The following DNHD1 variants were observed in gnomAD, a reference collection of about 807,000 sequenced individuals.
DNHD1 encodes the protein dynein heavy chain domain 1, also known as dynein heavy chain domain-containing protein 1.
Under a neutral mutation model 458.1 loss-of-function variants are expected in DNHD1, and 383 were observed. The ratio of observed to expected loss-of-function variants is 0.84; its 90% CI spans 0.77 to 0.91. The LOEUF is 0.91. Ranked by LOEUF, DNHD1 falls within the 40% of genes least tolerant of loss-of-function variation. The pLI, the probability that DNHD1 is intolerant of heterozygous loss-of-function variation, is 0.00. For missense variants in DNHD1, 5,336 were observed against 5,866.1 expected, an observed-to-expected ratio of 0.91 and a Z score of 2.95; for synonymous variants, 2,203 against 2,376.9, an observed-to-expected ratio of 0.93 and a Z score of 2.13.
chr11:6,508,811 C>G, intron 4 of DNHD1, 69 bp from the exon 5 acceptor site: 1 of 1,478,396 alleles, frequency 6.8e-7, no homozygotes, highest in Non-Finnish European at 9.3e-7. Flanking sequence ...TCTCCTGTAT[C>G]CTCCTTTGGT....
At chr11:6,568,356 G>A (rs1259692892) in intron 37 of DNHD1, 98 bp from the exon 38 acceptor site, 1 of 1,575,702 alleles carries the variant, frequency 6.3e-7, no homozygotes, top group African/African-American at 1.3e-5. Flanking sequence ...ACTTGGCCTT[G>A]TATCTGACTC....
At chr11:6,534,669 A>G (rs534124159) in intron 14 of DNHD1, among the ~76,000 whole-genome samples, 200 of 152,270 alleles carry the variant, frequency 1.3e-3, no homozygotes, top group African/African-American at 4.7e-3. Context: ...ATTGGTCTCA[A>G]TTCTTTCATA....
At chr11:6,569,130 C>T (rs929737841) in intron 39 of DNHD1, among the ~76,000 whole-genome samples, 3 of 152,062 alleles carry the variant, frequency 2.0e-5, no homozygotes, top group Non-Finnish European at 2.9e-5. Flanking sequence ...GTGTGGTTGA[C>T]GTGGACATGC....
intron 13 of DNHD1, among the ~76,000 whole-genome samples, chr11:6,533,445 A>G (rs1404945298): frequency 6.6e-6 from 1 of 152,172 alleles, no homozygotes; most frequent in Non-Finnish European, 1.5e-5. Flanking sequence ...CTTGTCATCA[A>G]GGTAATGGGG....
intron 10 of DNHD1, among the ~76,000 whole-genome samples, chr11:6,523,424 G>A (rs1000252140): frequency 6.6e-6 from 1 of 152,020 alleles, no homozygotes; most frequent in Non-Finnish European, 1.5e-5. Context: ...TTGCCGCTCT[G>A]TGAGAAAGCA....
chr11:6,543,729 G>T (rs1230292203), intron 18 of DNHD1, among the ~76,000 whole-genome samples: 1 of 152,068 alleles, frequency 6.6e-6, no homozygotes, highest in Non-Finnish European at 1.5e-5. Flanking sequence ...GGAGGCTGAG[G>T]TGGGTGGATC....
chr11:6,556,977 G>A lies in DNHD1; in HGVS notation c.7682G>A (p.Arg2561Gln), dbSNP rs761697328. 16 of 1,551,696 alleles carry A rather than the reference G, an allele frequency of 1.0e-5. No homozygotes were observed. Among genetic ancestry groups the A allele is most frequent in the South Asian group, 2.4e-5 (2 of 84,064 alleles). Residue 2561 changes from arginine to glutamine, a missense_variant, in exon 25 of 43, where the codon CGA (arginine) becomes CAA (glutamine). Around this residue, in one of 4 missense-constraint regions of DNHD1, gnomAD observed 3,932 missense variants for 4,365.6 expected, o/e 0.90. Coordinates refer to ENST00000254579, the MANE Select transcript of DNHD1 (RefSeq NM_144666.3). ...PSVERERALA[R>Q]GLVRASVEAW... Reference sequence around the variant, plus strand: ...GTGGAACGGGAGCGTGCTCTGGCACGAGGTCTGGTTAGGGCCTCAGTAGAG... The same window carrying A: ...GTGGAACGGGAGCGTGCTCTGGCACAAGGTCTGGTTAGGGCCTCAGTAGAG...
At chr11:6,559,311 G>T (rs1258666736) in intron 28 of DNHD1, 28 bp downstream of exon 28, 7 of 1,542,340 alleles carry the variant, frequency 4.5e-6, no homozygotes. Context: ...AGGCTTCCAT[G>T]GTGGTGTCAA....
At chr11:6,547,716 C>A in intron 21 of DNHD1, 50 bp downstream of exon 21, 2 of 1,490,226 alleles carry the variant, frequency 1.3e-6, no homozygotes, top group South Asian at 2.7e-5. Flanking sequence ...TTAAGGGTAG[C>A]TGGGGTATAT....
rs1479252648 is a variant in DNHD1, at chr11:6,568,492, C to T, written c.12577C>T (p.Pro4193Ser). ...DLESEQLLDQ[P>S]ESRNVSTVHR... ...GGAATCAGAACAGCTTTTAGACCAACCTGAAAGCAGGAATGTAAGCACTGT... is the reference window on the plus strand; with the variant it reads ...GGAATCAGAACAGCTTTTAGACCAATCTGAAAGCAGGAATGTAAGCACTGT... Residue 4193 changes from proline to serine, a missense_variant, in exon 38 of 43, where the codon CCT becomes TCT. By Grantham distance (74) the Pro-to-Ser change is moderately conservative. Around this residue, in one of 4 missense-constraint regions of DNHD1, gnomAD observed 695 missense variants for 804.2 expected, o/e 0.86. Coordinates refer to ENST00000254579, the MANE Select transcript of DNHD1 (RefSeq NM_144666.3). The T allele has an allele frequency of 1.9e-6, 3 of 1,613,932 alleles. No homozygotes were observed. Among genetic ancestry groups the T allele is most frequent in the Non-Finnish European group, 2.5e-6 (3 of 1,179,888 alleles).
chr11:6,520,570 C>A, intron 10 of DNHD1: 1 of 1,257,988 alleles, frequency 7.9e-7, no homozygotes, highest in Non-Finnish European at 1.0e-6. Context: ...TCATCCCAAA[C>A]TCTGTGAGGT....
intron 13 of DNHD1, 65 bp from the exon 14 acceptor site, chr11:6,533,615 TG>T: frequency 6.7e-7 from 1 of 1,482,458 alleles, no homozygotes. Context: ...GAGTTCCCCT[TG>T]GGGATGGGAC....
rs528891164 is a variant in DNHD1, at chr11:6,566,230, C to A, written c.11054-11C>A. The A allele has an allele frequency of 1.0e-4, 160 of 1,550,464 alleles. 1 individual carries two copies. In the South Asian group the frequency reaches 1.7e-3, roughly 17 times the overall value. On this transcript the variant is annotated splice_polypyrimidine_tract_variant and intron_variant, in intron 33 of 42. Transcript: ENST00000254579. ...CATTGTGGGTAGGGTGCCTTTGCCT[C>A]CCTCTCACAGGCCTGCCTGTGTTAC...
chr11:6,550,607 A>G (rs1053175120), intron 24 of DNHD1, among the ~76,000 whole-genome samples: 1 of 152,252 alleles, frequency 6.6e-6, no homozygotes, highest in African/African-American at 2.4e-5. Flanking sequence ...CCTGAGATCT[A>G]TATAGCTGTA....
At position 6,571,422 on chromosome 11, in the gene DNHD1, G is replaced by C; in HGVS notation, c.13910G>C (p.Arg4637Thr). The C allele has an allele frequency of 2.5e-6, 4 of 1,586,614 alleles. No individual in the cohort carries two copies. The highest frequency in any genetic ancestry group is 1.7e-4 in the Middle Eastern group (1 of 5,976). The change falls in exon 42 of 43, where the codon AGG (arginine) becomes ACG (threonine). Residue 4637 changes from arginine to threonine, a missense_variant and splice_region_variant. Around this residue, in one of 4 missense-constraint regions of DNHD1, gnomAD observed 698 missense variants for 664.9 expected, o/e 1.05. Coordinates refer to ENST00000254579, the MANE Select transcript of DNHD1 (RefSeq NM_144666.3). This position sits in a 1 kb window ranked among gnomAD's most constrained non-coding sequence, Gnocchi z 5.0. Reference protein sequence around the residue: ...LEMNSNPLHFRVENGPNPTVP... With the variant: ...LEMNSNPLHFTVENGPNPTVP... ...ATGAACAGCAACCCTCTGCACTTCAGGGTATCTTCGCGCCGCCCCTCGTTC... is the reference window on the plus strand; with the variant it reads ...ATGAACAGCAACCCTCTGCACTTCACGGTATCTTCGCGCCGCCCCTCGTTC...
At chr11:6,540,156 G>T in intron 18 of DNHD1, 73 bp downstream of exon 18, 1 of 1,334,000 alleles carries the variant, frequency 7.5e-7, no homozygotes, top group Non-Finnish European at 1.0e-6. Flanking sequence ...ATCCATCAAG[G>T]CCTGCCAGAT....
Position 6,557,226 on chromosome 11 carries a change from T to C in DNHD1, c.7931T>C (p.Val2644Ala). The C allele has an allele frequency of 6.4e-6, 10 of 1,551,602 alleles. No homozygotes were observed. Among genetic ancestry groups the C allele is most frequent in the Non-Finnish European group, 7.8e-6 (9 of 1,146,998 alleles). ...LTVMMATRNV[V>A]RLWLHEAQRT... ...GTTATGATGGCCACACGCAATGTGG[T>C]GCGTCTTTGGTTGCATGAGGCACAG... The change falls in exon 25 of 43, where the codon GTG (valine) becomes GCG (alanine). Residue 2644 changes from valine (V) to alanine (A), a missense_variant. This residue lies in a region of DNHD1 where 3,932 missense variants were observed against 4,365.6 expected (regional missense o/e 0.90). Transcript: ENST00000254579.
chr11:6,560,251 C>T (rs1853558174), intron 28 of DNHD1, among the ~76,000 whole-genome samples: 1 of 152,224 alleles, frequency 6.6e-6, no homozygotes, highest in Non-Finnish European at 1.5e-5. Flanking sequence ...AGGTCTTAAG[C>T]TCCTAATACC....
chr11:6,499,648 AC>A (rs1276441011), intron 3 of DNHD1, among the ~76,000 whole-genome samples: 2 of 150,954 alleles, frequency 1.3e-5, no homozygotes, highest in East Asian at 1.9e-4. Context: ...GTTCACCGCA[AC>A]CTCCGCCTCC....
Sources: gnomAD v4.1 joint callset for allele counts (sites outside exome capture counted in the v4.1 genomes callset) on GRCh38, gnomAD v4.1.1 for gene constraint, gnomAD v4.1.1 regional missense constraint, Gnocchi (gnomAD v3.1) non-coding constraint, MANE v1.5 for transcripts, NCBI Gene and HGNC (gene_info 2026-07-23, HGNC 2026-07-21) for gene names.